Variants in CPB2 observed in about 807,000 individuals in gnomAD.
CPB2 encodes carboxypeptidase B-like protein.
In CPB2, 54 loss-of-function variants were observed where a neutral mutation model predicts 57.0. The ratio of observed to expected loss-of-function variants is 0.95; its 90% CI spans 0.76 to 1.19. The LOEUF (loss-of-function observed/expected upper bound fraction) is 1.19, where lower values mean the gene tolerates loss of function less well. Among genes scored for constraint, CPB2 ranks in the 50% most tolerant of loss-of-function variants. The pLI is 0.00. For synonymous variants in CPB2, 189 were observed against 178.1 expected (o/e 1.06, Z -0.49); for missense variants, 426 against 512.0 (o/e 0.83, Z 1.62).
At position 46,087,755 on chromosome 13, in the gene CPB2, G is replaced by A; in HGVS notation, c.140C>T (p.Thr47Ile). The change falls in exon 2 of 11, where the codon ACA (threonine) becomes ATA (isoleucine). Residue 47 changes from threonine (T) to isoleucine (I), a missense_variant. Transcript: ENST00000181383. The stretch of plus-strand genomic sequence containing the variant: ...TTAGGGAGAAATTACCTCATATGTT[G>A]TAGTAAGATTCTGTAGAACTTGAAC... Reference protein sequence around the residue: ...RQVQVLQNLTTTYEIVLWQPV... With the variant: ...RQVQVLQNLTITYEIVLWQPV... 6.2e-7 allele frequency: 1 copy of A among 1,606,800 alleles called. No homozygotes were observed. Among genetic ancestry groups the A allele is most frequent in the Non-Finnish European group, 8.5e-7 (1 of 1,174,734 alleles).
intron 3 of CPB2, among the ~76,000 whole-genome samples, chr13:46,083,195 G>A (rs1593906130): frequency 6.6e-6 from 1 of 151,960 alleles, no homozygotes; most frequent in East Asian, 1.9e-4. Flanking sequence ...TTTTATTTAG[G>A]CCAATAAATA....
At position 46,058,372 on chromosome 13, in the gene CPB2, G is replaced by A. The variant is rs2044726600; in HGVS notation, c.806C>T (p.Ala269Val). ...GGTTTCCGAGCATGAGGAACTGGAT[G>A]CACCTTCCTCTGTAACGAAATTGTT... ...FASKHWCEEGASSSSCSETYC... is the reference protein window; with the variant it reads ...FASKHWCEEGVSSSSCSETYC... The change falls in exon 9 of 11, where the codon GCA becomes GTA. Residue 269 changes from alanine to valine, a missense_variant. Physicochemically the swap from Ala to Val is moderately conservative, Grantham distance 64. Coordinates refer to ENST00000181383, the MANE Select transcript of CPB2 (RefSeq NM_001872.5). 6.2e-7 allele frequency: 1 copy of A among 1,613,684 alleles called. No homozygotes were observed. The highest frequency in any genetic ancestry group is 1.7e-5 in the Admixed American group (1 of 60,004).
intron 1 of CPB2, chr13:46,100,062 G>C (rs1393539954): frequency 6.6e-6 from 1 of 151,730 alleles, no homozygotes; most frequent in South Asian, 2.1e-4. Flanking sequence ...AAAATGTTGA[G>C]TGGGCAGTAT....
intron 1 of CPB2, among the ~76,000 whole-genome samples, chr13:46,090,872 A>C (rs1030695037): frequency 2.6e-5 from 4 of 151,288 alleles, no homozygotes; most frequent in African/African-American, 9.7e-5. Context: ...TTACAGGTGC[A>C]CACCAACACA....
intron 2 of CPB2, 93 bp downstream of exon 2, chr13:46,087,652 T>C (rs1451336235): frequency 1.9e-5 from 15 of 807,198 alleles, no homozygotes; most frequent in East Asian, 7.3e-5. Flanking sequence ...TCATACCAGA[T>C]ACATGTAAGC....
chr13:46,081,250 A>C (rs561046508), intron 4 of CPB2, among the ~76,000 whole-genome samples: 5 of 152,188 alleles, frequency 3.3e-5, no homozygotes, highest in Non-Finnish European at 7.3e-5. Context: ...GTAAGAAAAC[A>C]TAACTTTTTT....
At position 46,071,672 on chromosome 13, in the gene CPB2, A is replaced by T. The variant is rs17844229; in HGVS notation, c.591+2201T>A. ...AATAAGAGTGCAACCAGTTTGTGTA[A>T]GTTTCTGAGAAGAGAAGGATCATTG... On this transcript the variant is annotated intron_variant, in intron 6 of 10. Transcript: ENST00000181383. 2.5e-3 allele frequency among the ~76,000 whole-genome samples: 385 copies of T among 152,314 alleles called. 2 individuals carry two copies. The highest frequency in any genetic ancestry group is 8.3e-3 in the African/African-American group (345 of 41,562).
intron 3 of CPB2, among the ~76,000 whole-genome samples, chr13:46,082,915 T>C (rs1033372756): frequency 6.6e-6 from 1 of 152,186 alleles, no homozygotes; most frequent in Non-Finnish European, 1.5e-5. Context: ...TATTATGCTG[T>C]TTTCAGTTAA....
At chr13:46,071,988 T>C (rs1199029076) in intron 6 of CPB2, among the ~76,000 whole-genome samples, 2 of 152,236 alleles carry the variant, frequency 1.3e-5, no homozygotes, top group Non-Finnish European at 2.9e-5. Flanking sequence ...GTTGTGATGG[T>C]TAACATATAT....
chr13:46,089,048 A>T (rs1423254380), intron 1 of CPB2, among the ~76,000 whole-genome samples: 2 of 150,580 alleles, frequency 1.3e-5, no homozygotes, highest in Non-Finnish European at 2.9e-5. Context: ...GATATCTGGG[A>T]TATAAAGATA....
chr13:46,102,550 AAAAAAAAC>A (rs1566422504), intron 1 of CPB2, among the ~76,000 whole-genome samples: 1 of 149,472 alleles, frequency 6.7e-6, no homozygotes, highest in Non-Finnish European at 1.5e-5. Flanking sequence ...CAAAAAAAAA[AAAAAAAAC>A]AAAGAACAGC....
chr13:46,083,480 CA>C (rs2045151031), intron 3 of CPB2, among the ~76,000 whole-genome samples: 1 of 152,008 alleles, frequency 6.6e-6, no homozygotes, highest in African/African-American at 2.4e-5. Context: ...AGGGGGCACC[CA>C]TTGATACACA....
rs1199148306 is a variant in CPB2, at chr13:46,078,916, A to G, written c.385-15T>C. The G allele has an allele frequency of 6.6e-7, 1 of 1,524,900 alleles. No individual in the cohort carries two copies. Among genetic ancestry groups the G allele is most frequent in the South Asian group, 1.1e-5 (1 of 89,094 alleles). The allele number at this position is 1,524,900 out of a possible 1,614,324, so 94.5% of individuals were successfully genotyped here. A position where few individuals can be genotyped will look rare whatever the true frequency, so the allele number is the denominator to read the frequency against. On this transcript the variant is annotated splice_polypyrimidine_tract_variant and intron_variant, in intron 4 of 10. Transcript: ENST00000181383. ...CAAGAATAGATCTAGCAAAATGGAA[A>G]CCAGAGGTTAGTCACGAAGCCAAGT...
At chr13:46,079,004 T>G (rs1277269921) in intron 4 of CPB2, 103 bp from the exon 5 acceptor site, 1 of 705,494 alleles carries the variant, frequency 1.4e-6, no homozygotes, top group South Asian at 1.7e-5. Flanking sequence ...AACCTCTGTA[T>G]GTGGAATGCA....
chr13:46,063,891 A>C (rs1215824236), intron 8 of CPB2, among the ~76,000 whole-genome samples: 1 of 151,550 alleles, frequency 6.6e-6, no homozygotes, highest in African/African-American at 2.4e-5. Context: ...TTATTTATTA[A>C]AGAAATTAAG....
chr13:46,053,797 G>A lies in CPB2; in HGVS notation c.1089C>T (p.Tyr363=). Residue 363 remains tyrosine (Y), a splice_region_variant and synonymous_variant, in exon 11 of 11, where the codon TAC becomes TAT. Coordinates refer to ENST00000181383, the MANE Select transcript of CPB2 (RefSeq NM_001872.5). Reference sequence around the variant, plus strand: ...AATCGTCCCCACCTCCAGGAGCTAGGTCTAAAAGAAGAAGAAAGAAATTGT... The same window carrying A: ...AATCGTCCCCACCTCCAGGAGCTAGATCTAAAAGAAGAAGAAAGAAATTGT... ...YTHGHGSETL[Y]LAPGGGDDWI... The A allele has an allele frequency of 6.2e-7, 1 of 1,610,508 alleles. No homozygotes were observed. Among genetic ancestry groups the A allele is most frequent in the Non-Finnish European group, 8.5e-7 (1 of 1,178,300 alleles).
At chr13:46,077,290 A>G (rs2045036909) in intron 5 of CPB2, among the ~76,000 whole-genome samples, 1 of 152,222 alleles carries the variant, frequency 6.6e-6, no homozygotes, top group African/African-American at 2.4e-5. Flanking sequence ...TCTCAAAAGA[A>G]GACACACAAA....
chr13:46,076,809 CA>C (rs2045029101), intron 5 of CPB2, among the ~76,000 whole-genome samples: 1 of 152,058 alleles, frequency 6.6e-6, no homozygotes, highest in Non-Finnish European at 1.5e-5. Context: ...TCATTTTCAA[CA>C]AAGGCACCAA....
intron 5 of CPB2, among the ~76,000 whole-genome samples, chr13:46,076,905 C>T (rs1288790893): frequency 2.0e-5 from 3 of 152,112 alleles, no homozygotes; most frequent in East Asian, 1.9e-4. Context: ...AAATGCCTAT[C>T]TCTCGCCTTA....
Sources: gnomAD v4.1 joint callset for allele counts (sites outside exome capture counted in the v4.1 genomes callset) on GRCh38, gnomAD v4.1.1 for gene constraint, MANE v1.5 for transcripts, NCBI Gene and HGNC (gene_info 2026-07-23, HGNC 2026-07-21) for gene names.